Variants in TTC7A observed in about 807,000 individuals in gnomAD.
TTC7A encodes the protein tetratricopeptide repeat domain 7A, also known as tetratricopeptide repeat protein 7A.
Under a neutral mutation model 103.7 loss-of-function variants are expected in TTC7A, and 110 were observed. The ratio of observed to expected loss-of-function variants is 1.06; its 90% CI spans 0.91 to 1.24. TTC7A has a LOEUF of 1.24. TTC7A is among the 50% of genes most tolerant of loss of function. The pLI is 0.00. For missense variants in TTC7A, 1,340 were observed against 1,116.3 expected (o/e 1.20, Z -2.86); for synonymous variants, 521 against 467.9 (o/e 1.11, Z -1.47).
intron 5 of TTC7A, among the ~76,000 whole-genome samples, chr2:46,980,511 C>T (rs1365031924): frequency 6.6e-6 from 1 of 152,116 alleles, no homozygotes; most frequent in Non-Finnish European, 1.5e-5. Flanking sequence ...TGTGCCTGGC[C>T]CTACTTTATA....
intron 18 of TTC7A, among the ~76,000 whole-genome samples, chr2:47,058,267 G>A (rs982473746): frequency 2.0e-5 from 3 of 152,146 alleles, no homozygotes; most frequent in African/African-American, 7.2e-5. Flanking sequence ...TTAATTCTCT[G>A]ATCCTCCCAA....
intron 16 of TTC7A, among the ~76,000 whole-genome samples, chr2:47,049,001 G>A (rs1162402750): frequency 2.6e-5 from 4 of 152,174 alleles, no homozygotes; most frequent in Admixed American, 2.0e-4. Context: ...TTTTATAGAT[G>A]GTTTCCTCTG....
chr2:46,965,237 T>C (rs893252647), intron 3 of TTC7A, among the ~76,000 whole-genome samples: 2 of 152,224 alleles, frequency 1.3e-5, no homozygotes, highest in East Asian at 3.9e-4. Flanking sequence ...GATTAAAACT[T>C]TTTAAAAAGA....
At chr2:47,059,009 C>CTTTTTTTTTTTTTTTTTTTTCTTTTT (rs1683548470) in intron 18 of TTC7A, among the ~76,000 whole-genome samples, 1 of 44,702 alleles carries the variant, frequency 2.2e-5, no homozygotes, top group African/African-American at 1.2e-4. Context: ...CCTAAGCCTG[C>CTTTTTTTTTTTTTTTTTTTTCTTTTT]TTTTTTTTTT....
At chr2:46,986,269 GAAACC>G (rs1674997378) in intron 5 of TTC7A, among the ~76,000 whole-genome samples, 3 of 152,210 alleles carry the variant, frequency 2.0e-5, no homozygotes, top group Admixed American at 6.5e-5. Flanking sequence ...GAAGCAGGGA[GAAACC>G]CTTCTCGGTG....
chr2:46,926,483 G>A (rs1160779154), intron 2 of TTC7A, among the ~76,000 whole-genome samples: 1 of 152,184 alleles, frequency 6.6e-6, no homozygotes, highest in Non-Finnish European at 1.5e-5. Flanking sequence ...AGTCAAGGAA[G>A]ACTTCCCTCT....
chr2:47,066,319 A>G (rs1326207631), intron 19 of TTC7A, among the ~76,000 whole-genome samples: 1 of 152,112 alleles, frequency 6.6e-6, no homozygotes, highest in African/African-American at 2.4e-5. Flanking sequence ...CCCTCACCCC[A>G]GGCTGTGGCA....
At chr2:47,068,491 T>C (rs958801244) in intron 19 of TTC7A, 11 of 152,056 alleles carry the variant, frequency 7.2e-5, no homozygotes, top group African/African-American at 2.7e-4. Flanking sequence ...CTGTGACCTC[T>C]GATGAGATGA....
At chr2:46,996,055 A>G (rs1014084126) in intron 8 of TTC7A, among the ~76,000 whole-genome samples, 1 of 152,254 alleles carries the variant, frequency 6.6e-6, no homozygotes, top group Non-Finnish European at 1.5e-5. Flanking sequence ...GGATGCACGC[A>G]CACACTCGTG....
intron 3 of TTC7A, among the ~76,000 whole-genome samples, chr2:46,959,276 T>A (rs1383772015): frequency 1.3e-5 from 2 of 152,176 alleles, no homozygotes; most frequent in East Asian, 3.8e-4. Flanking sequence ...AGGCAGCCCC[T>A]CGGTCTTGGG....
intron 2 of TTC7A, among the ~76,000 whole-genome samples, chr2:46,929,287 C>T (rs1289214629): frequency 6.6e-6 from 1 of 152,110 alleles, no homozygotes; most frequent in Non-Finnish European, 1.5e-5. Flanking sequence ...AGTTCTGAGA[C>T]CAGCCTGGTC....
At chr2:46,993,765 C>T (rs1389345251) in intron 6 of TTC7A, among the ~76,000 whole-genome samples, 6 of 152,186 alleles carry the variant, frequency 3.9e-5, no homozygotes, top group Admixed American at 1.3e-4. Flanking sequence ...AGATCTACTG[C>T]CAGCGCTTCC....
At chr2:46,957,055 T>C (rs1403774536) in intron 3 of TTC7A, 48 bp downstream of exon 3, 3 of 1,608,164 alleles carry the variant, frequency 1.9e-6, no homozygotes, top group Non-Finnish European at 2.6e-6. Flanking sequence ...GTGCAGCTCG[T>C]TGCACTCTGA....
Position 47,060,801 on chromosome 2 carries a change from G to A in TTC7A, c.2185G>A (p.Glu729Lys). ...ELFMEQQHLK[E>K]AGFCIQEAAG... ...GTTCATGGAGCAGCAGCACCTCAAG[G>A]AAGCAGGTTTCTGCATCCAGGAGGC... Residue 729 changes from glutamate to lysine, a missense_variant, in exon 19 of 20, where the codon GAA becomes AAA. Transcript: ENST00000319190. The A allele has an allele frequency of 6.2e-7, 1 of 1,612,650 alleles. No individual in the cohort carries two copies. Among genetic ancestry groups the A allele is most frequent in the Non-Finnish European group, 8.5e-7 (1 of 1,178,896 alleles).
intron 19 of TTC7A, among the ~76,000 whole-genome samples, chr2:47,067,045 T>G (rs1015999204): frequency 1.3e-5 from 2 of 152,130 alleles, no homozygotes; most frequent in Non-Finnish European, 2.9e-5. Context: ...ACTCATCCTT[T>G]TACCAGGAAC....
intron 2 of TTC7A, among the ~76,000 whole-genome samples, chr2:46,925,688 C>A (rs1172167999): frequency 6.6e-6 from 1 of 152,066 alleles, no homozygotes; most frequent in Non-Finnish European, 1.5e-5. Context: ...GCCACCTCCC[C>A]CAAAAAAACC....
chr2:46,949,488 C>A lies in TTC7A; in HGVS notation c.185-875C>A, dbSNP rs1346210548. On this transcript the variant is annotated intron_variant, in intron 1 of 19. Transcript: ENST00000319190. ...CCTCAAGTGATCTGCCTGCCTTGGG[C>A]TCCCAAAGTGCTGGGATTACAGGTG... Among the ~76,000 whole-genome samples the A allele has an allele frequency of 3.3e-5, 5 of 152,216 alleles. 1 individual carries two copies. In the South Asian group the frequency reaches 8.3e-4, roughly 25 times the overall value.
At chr2:46,929,894 A>G (rs1051798120) in intron 2 of TTC7A, among the ~76,000 whole-genome samples, 1 of 152,202 alleles carries the variant, frequency 6.6e-6, no homozygotes, top group African/African-American at 2.4e-5. Flanking sequence ...ATGGTTCACC[A>G]TATCATCTCT....
intron 10 of TTC7A, 30 bp downstream of exon 10, chr2:47,006,754 C>T (rs1356567971): frequency 1.3e-6 from 2 of 1,536,354 alleles, no homozygotes; most frequent in South Asian, 1.1e-5. Context: ...AGGGGTTGCA[C>T]ACTCACCCGC....
Sources: allele counts gnomAD v4.1 joint callset (sites outside exome capture counted in the v4.1 genomes callset), GRCh38; gene constraint gnomAD v4.1.1; transcripts MANE v1.5; gene names NCBI Gene and HGNC (gene_info 2026-07-23, HGNC 2026-07-21).